The following NXPH1 variants were observed in gnomAD, a reference collection of about 807,000 sequenced individuals.
The protein encoded by NXPH1 is neurexophilin-1.
A neutral mutation model predicts 23.7 loss-of-function variants in NXPH1; 5 were observed. That is an observed-to-expected ratio of 0.21 (90% CI 0.11 to 0.44). The LOEUF (loss-of-function observed/expected upper bound fraction) is 0.44. Ranked by LOEUF, NXPH1 falls within the 20% of genes least tolerant of loss-of-function variation. The pLI, the probability that NXPH1 is intolerant of heterozygous loss-of-function variation, is 0.99. For synonymous variants in NXPH1, 144 were observed against 122.2 expected, an observed-to-expected ratio of 1.18 and a Z score of -1.18; for missense variants, 324 against 321.6, an observed-to-expected ratio of 1.01 and a Z score of -0.06.
intron 2 of NXPH1, among the ~76,000 whole-genome samples, chr7:8,576,740 G>A (rs2128622969): frequency 1.3e-5 from 2 of 152,134 alleles, no homozygotes; most frequent in South Asian, 2.1e-4. Flanking sequence ...AGATGTGATA[G>A]GATAAGTACC....
chr7:8,648,300 C>T (rs1314690636), intron 2 of NXPH1, among the ~76,000 whole-genome samples: 2 of 152,170 alleles, frequency 1.3e-5, no homozygotes, highest in Non-Finnish European at 2.9e-5. Context: ...CTCCCACCTA[C>T]ACCCAATCCC....
intron 2 of NXPH1, among the ~76,000 whole-genome samples, chr7:8,489,002 G>T (rs1385777967): frequency 6.6e-6 from 1 of 152,092 alleles, no homozygotes; most frequent in Non-Finnish European, 1.5e-5. Context: ...AGAGTCTTTG[G>T]ACTCAAACCT....
chr7:8,605,276 G>C (rs961599910), intron 2 of NXPH1, among the ~76,000 whole-genome samples: 1 of 152,144 alleles, frequency 6.6e-6, no homozygotes, highest in African/African-American at 2.4e-5. Flanking sequence ...ATACTCAACA[G>C]ATGGCAAAGT....
intron 2 of NXPH1, among the ~76,000 whole-genome samples, chr7:8,546,389 A>T (rs1386194323): frequency 3.3e-5 from 5 of 151,412 alleles, no homozygotes; most frequent in African/African-American, 9.7e-5. Flanking sequence ...GCCTATTATT[A>T]TATGCCTGTG....
intron 2 of NXPH1, among the ~76,000 whole-genome samples, chr7:8,477,685 G>C (rs772257776): frequency 1.3e-5 from 2 of 151,928 alleles, no homozygotes; most frequent in African/African-American, 2.4e-5. Flanking sequence ...CCTGCTGCAG[G>C]GATGGTGCTG....
At chr7:8,583,946 C>G (rs1056108499) in intron 2 of NXPH1, among the ~76,000 whole-genome samples, 5 of 152,164 alleles carry the variant, frequency 3.3e-5, no homozygotes, top group African/African-American at 1.2e-4. Flanking sequence ...ACAGTGAGAA[C>G]ACAGTTATCT....
intron 2 of NXPH1, among the ~76,000 whole-genome samples, chr7:8,734,107 C>T (rs1220013420): frequency 2.0e-5 from 3 of 152,118 alleles, no homozygotes; most frequent in Non-Finnish European, 4.4e-5. Context: ...GCCAGTTTTC[C>T]CAGCACCATT....
intron 2 of NXPH1, among the ~76,000 whole-genome samples, chr7:8,663,072 G>C (rs1458469813): frequency 6.6e-6 from 1 of 152,086 alleles, no homozygotes; most frequent in Non-Finnish European, 1.5e-5. Context: ...CTTGCCTACA[G>C]AGGATTGATG....
Position 8,654,736 on chromosome 7 carries a change from G to C in NXPH1, c.55-96272G>C, listed in dbSNP as rs148311582. 2.8e-3 allele frequency among the ~76,000 whole-genome samples: 432 copies of C among 152,276 alleles called. 5 individuals carry two copies. In the Middle Eastern group the frequency reaches 0.048, roughly 17 times the overall value. On this transcript the variant is annotated intron_variant, in intron 2 of 2. Transcript: ENST00000405863. ...TTATGTTTGGGAAGAGGTGCTCTAG[G>C]TGGGACACCCCTGCCTGCTCCAAAT...
At chr7:8,693,923 AC>A (rs1821262094) in intron 2 of NXPH1, among the ~76,000 whole-genome samples, 1 of 152,172 alleles carries the variant, frequency 6.6e-6, no homozygotes, top group African/African-American at 2.4e-5. Flanking sequence ...TTATGTCATC[AC>A]CCCACTTATG....
intron 2 of NXPH1, among the ~76,000 whole-genome samples, chr7:8,650,169 T>A (rs1016523917): frequency 3.9e-5 from 6 of 152,346 alleles, no homozygotes; most frequent in South Asian, 4.1e-4. Context: ...TGATCCAGCG[T>A]CTTTTGTTCT....
At chr7:8,627,789 T>C (rs1330866426) in intron 2 of NXPH1, among the ~76,000 whole-genome samples, 1 of 152,066 alleles carries the variant, frequency 6.6e-6, no homozygotes, top group Non-Finnish European at 1.5e-5. Context: ...AGAGAGTGTA[T>C]TCAAATCCAT....
At chr7:8,655,814 A>G (rs1820573379) in intron 2 of NXPH1, among the ~76,000 whole-genome samples, 1 of 152,116 alleles carries the variant, frequency 6.6e-6, no homozygotes, top group Non-Finnish European at 1.5e-5. Flanking sequence ...GCATTTGGGA[A>G]ATGTGACAAA....
rs537105533 is a variant in NXPH1, at chr7:8,557,664, AC to A, written c.54+121898del. On this transcript the variant is annotated intron_variant, in intron 2 of 2. Transcript: ENST00000405863. ...CCTTTAATGGTATTTTGAGTATTGT[AC>A]AGAACTGGTGCAGTAAAAACATTTC... 7.5e-4 allele frequency among the ~76,000 whole-genome samples: 114 copies of A among 151,712 alleles called. 2 individuals carry two copies. The highest frequency in any genetic ancestry group is 7.2e-3 in the Admixed American group (110 of 15,198).
intron 2 of NXPH1, among the ~76,000 whole-genome samples, chr7:8,472,142 T>A (rs1816881591): frequency 6.6e-6 from 1 of 152,156 alleles, no homozygotes; most frequent in Non-Finnish European, 1.5e-5. Context: ...TAAAAATAAC[T>A]TACTGATATA....
chr7:8,586,105 T>G (rs1818975357), intron 2 of NXPH1, among the ~76,000 whole-genome samples: 1 of 152,204 alleles, frequency 6.6e-6, no homozygotes, highest in Non-Finnish European at 1.5e-5. Flanking sequence ...GATCTCATCA[T>G]GAACACACCG....
intron 2 of NXPH1, among the ~76,000 whole-genome samples, chr7:8,595,154 T>G (rs1819193059): frequency 6.6e-6 from 1 of 152,014 alleles, no homozygotes; most frequent in African/African-American, 2.4e-5. Flanking sequence ...TGACATTTGG[T>G]TTTCTCTAGT....
At chr7:8,476,463 T>C (rs951754375) in intron 2 of NXPH1, among the ~76,000 whole-genome samples, 1 of 152,110 alleles carries the variant, frequency 6.6e-6, no homozygotes, top group African/African-American at 2.4e-5. Flanking sequence ...CAATTCATTT[T>C]TTTTTTTCCT....
chr7:8,697,235 C>G (rs1170310793), intron 2 of NXPH1, among the ~76,000 whole-genome samples: 6 of 150,954 alleles, frequency 4.0e-5, no homozygotes, highest in African/African-American at 1.5e-4. Context: ...ACTGTGGTGC[C>G]AAGAGTTTGG....
Sources: gnomAD v4.1 joint callset for allele counts (sites outside exome capture counted in the v4.1 genomes callset) on GRCh38, gnomAD v4.1.1 for gene constraint, MANE v1.5 for transcripts, NCBI Gene and HGNC (gene_info 2026-07-23, HGNC 2026-07-21) for gene names.